The following ABCA5 variants were observed in gnomAD, a reference collection of about 807,000 sequenced individuals.
ABCA5 encodes cholesterol transporter ABCA5.
A neutral mutation model predicts 206.0 loss-of-function variants in ABCA5; 163 were observed. The ratio of observed to expected loss-of-function variants is 0.79; its 90% CI spans 0.70 to 0.90. The LOEUF (loss-of-function observed/expected upper bound fraction) is 0.90, where lower values mean the gene tolerates loss of function less well. ABCA5 is among the 40% of genes least tolerant of loss of function. The pLI, the probability that ABCA5 is intolerant of heterozygous loss-of-function variation, is 0.00. For synonymous variants in ABCA5, 609 were observed against 613.8 expected (o/e 0.99, Z 0.11); for missense variants, 1,859 against 1,912.9 (o/e 0.97, Z 0.53).
chr17:69,264,103 GTGTTGAA>G (rs2075181549), intron 24 of ABCA5, among the ~76,000 whole-genome samples: 1 of 152,130 alleles, frequency 6.6e-6, no homozygotes, highest in African/African-American at 2.4e-5. Flanking sequence ...GATAGGAATA[GTGTTGAA>G]TCTGTAGATT....
At position 69,253,844 on chromosome 17, in the gene ABCA5, C is replaced by T. The variant is rs747651434; in HGVS notation, c.4270G>A (p.Glu1424Lys). The T allele has an allele frequency of 1.9e-6, 3 of 1,612,114 alleles. No individual in the cohort carries two copies. The South Asian group carries it at 3.3e-5, about 18-fold the overall frequency. Reference sequence around the variant, plus strand: ...TTCTTTACAGTCTTCTGAAGATGTTCTTTTAAATCAAGTGCATGTGTTATT... The same window carrying T: ...TTCTTTACAGTCTTCTGAAGATGTTTTTTTAAATCAAGTGCATGTGTTATT... ...SRITHALDLK[E>K]HLQKTVKKLP... is the part of the protein sequence containing the mutation. Residue 1424 changes from glutamate (E) to lysine (K), a missense_variant, in exon 33 of 39, where the codon GAA (glutamate) becomes AAA (lysine). Coordinates refer to ENST00000392676, the MANE Select transcript of ABCA5 (RefSeq NM_172232.4).
At chr17:69,250,350 CAG>C in intron 36 of ABCA5, 120 bp downstream of exon 36, 4 of 698,832 alleles carry the variant, frequency 5.7e-6, no homozygotes, top group East Asian at 3.2e-5. Flanking sequence ...TATTCACACA[CAG>C]AGATATATAT....
At chr17:69,269,559 GAAAT>G (rs2075249292) in intron 22 of ABCA5, among the ~76,000 whole-genome samples, 1 of 151,952 alleles carries the variant, frequency 6.6e-6, no homozygotes, top group African/African-American at 2.4e-5. Flanking sequence ...ATATCCAAGA[GAAAT>G]AAAAACATAT....
At chr17:69,270,895 A>G in intron 21 of ABCA5, 145 bp from the exon 22 acceptor site, 1 of 825,856 alleles carries the variant, frequency 1.2e-6, no homozygotes, top group Non-Finnish European at 1.8e-6. Context: ...TCAATGACAG[A>G]TAAAGACAAT....
At chr17:69,288,326 T>C (rs911089686) in intron 14 of ABCA5, among the ~76,000 whole-genome samples, 3 of 152,084 alleles carry the variant, frequency 2.0e-5, no homozygotes, top group African/African-American at 7.2e-5. Context: ...CTGTGTAAAG[T>C]GGTACATCAG....
intron 18 of ABCA5, among the ~76,000 whole-genome samples, chr17:69,281,509 C>G (rs1213667702): frequency 6.6e-6 from 1 of 152,040 alleles, no homozygotes; most frequent in Non-Finnish European, 1.5e-5. Context: ...TTAAAAATTT[C>G]AAAAGAAGGA....
intron 6 of ABCA5, among the ~76,000 whole-genome samples, chr17:69,306,002 TAAAATTTTG>T (rs2145023575): frequency 6.6e-6 from 1 of 152,288 alleles, no homozygotes; most frequent in East Asian, 1.9e-4. Flanking sequence ...CTAATTGGAA[TAAAATTTTG>T]TAAAACAGAC....
At chr17:69,270,820 T>C in intron 21 of ABCA5, 70 bp from the exon 22 acceptor site, 1 of 1,351,778 alleles carries the variant, frequency 7.4e-7, no homozygotes, top group Non-Finnish European at 9.8e-7. Context: ...TGTACCAAGC[T>C]TTTCTCACCA....
intron 9 of ABCA5, among the ~76,000 whole-genome samples, chr17:69,300,809 G>A (rs1340245890): frequency 6.6e-6 from 1 of 152,052 alleles, no homozygotes; most frequent in Non-Finnish European, 1.5e-5. Flanking sequence ...AATGGTAGGA[G>A]TTACAAGATC....
chr17:69,291,399 T>C, intron 11 of ABCA5, 73 bp from the exon 12 acceptor site: 5 of 925,490 alleles, frequency 5.4e-6, no homozygotes, highest in South Asian at 5.0e-5. Context: ...TTCATAATAT[T>C]TGAGCAATCT....
intron 6 of ABCA5, among the ~76,000 whole-genome samples, chr17:69,305,659 C>G (rs1183142976): frequency 1.3e-5 from 2 of 152,056 alleles, no homozygotes; most frequent in Admixed American, 1.3e-4. Context: ...CACTTGAGGC[C>G]AAGACTTTGA....
intron 23 of ABCA5, among the ~76,000 whole-genome samples, chr17:69,267,402 A>G (rs1440147362): frequency 1.3e-5 from 2 of 152,220 alleles, no homozygotes; most frequent in Non-Finnish European, 2.9e-5. Context: ...AACAAAAGGG[A>G]AAGGCGTAAA....
At chr17:69,294,558 T>A in intron 11 of ABCA5, 97 bp downstream of exon 11, 1 of 1,052,826 alleles carries the variant, frequency 9.5e-7, no homozygotes, top group Non-Finnish European at 1.4e-6. Context: ...AGACAGAAAA[T>A]CATGGTAGAG....
At chr17:69,291,125 C>G in intron 12 of ABCA5, 91 bp downstream of exon 12, 1 of 670,138 alleles carries the variant, frequency 1.5e-6, no homozygotes, top group Non-Finnish European at 2.3e-6. Flanking sequence ...TTTACAGATA[C>G]AGAAGTTGGT....
intron 7 of ABCA5, 182 bp downstream of exon 7, chr17:69,304,487 T>C (rs2075695686): frequency 2.1e-6 from 1 of 476,842 alleles, no homozygotes; most frequent in Non-Finnish European, 3.6e-6. Context: ...AACTATTTTG[T>C]AACATTACTA....
chr17:69,325,143 A>G, intron 1 of ABCA5, among the ~76,000 whole-genome samples: 1 of 14,798 alleles, frequency 6.8e-5, no homozygotes, highest in Non-Finnish European at 2.7e-4. Context: ...GTCTCTACCA[A>G]AAAAAAAAAA....
chr17:69,304,504 C>A, intron 7 of ABCA5, 165 bp downstream of exon 7: 2 of 525,644 alleles, frequency 3.8e-6, no homozygotes, highest in South Asian at 4.8e-5. Context: ...ACTAAAAATA[C>A]AGGAATACAG....
rs2075044794 is a variant in ABCA5, at chr17:69,253,818, T to G, written c.4296A>C (p.Lys1432Asn). Residue 1432 changes from lysine (K) to asparagine (N), a missense_variant, in exon 33 of 39, where the codon AAA becomes AAC. By Grantham distance (94) the Lys-to-Asn change is moderately conservative (BLOSUM62 0). Coordinates refer to ENST00000392676, the MANE Select transcript of ABCA5 (RefSeq NM_172232.4). ...CCTTTCGTTTGATTCCTGCAGGTAGTTTCTTTACAGTCTTCTGAAGATGTT... is the reference window on the plus strand; with the variant it reads ...CCTTTCGTTTGATTCCTGCAGGTAGGTTCTTTACAGTCTTCTGAAGATGTT... The part of the protein sequence containing the change: ...LKEHLQKTVK[K>N]LPAGIKRKLC... 2 of 1,612,958 alleles carry G rather than the reference T, an allele frequency of 1.2e-6. No homozygotes were observed. The highest frequency in any genetic ancestry group is 1.3e-5 in the African/African-American group (1 of 74,910).
intron 15 of ABCA5, 120 bp downstream of exon 15, chr17:69,287,492 GT>G: frequency 7.6e-7 from 1 of 1,317,550 alleles, no homozygotes. Flanking sequence ...AACTTTTTTT[GT>G]GAAGGAAACA....
Sources: allele counts gnomAD v4.1 joint callset (sites outside exome capture counted in the v4.1 genomes callset), GRCh38; gene constraint gnomAD v4.1.1; transcripts MANE v1.5; gene names NCBI Gene and HGNC (gene_info 2026-07-23, HGNC 2026-07-21).